SNHG17: variants seen among roughly 807,000 people sequenced by gnomAD.
The protein encoded by SNHG17 is small nucleolar RNA host gene 17 (non-protein coding).
chr20:38,432,653 C>G lies in SNHG17; in HGVS notation n.309-1541G>C, dbSNP rs542378900. ...AGGCTGCCTTGCTCAAAACTACTTC[C>G]CTGACATGCATCAATGTGCTAAGCC... On this transcript the variant is annotated intron_variant and non_coding_transcript_variant, in intron 2 of 8. Coordinates refer to ENST00000654008, the Ensembl canonical transcript of SNHG17. Among the ~76,000 whole-genome samples the G allele has an allele frequency of 1.6e-4, 24 of 152,306 alleles. 1 individual carries two copies. The South Asian group carries it at 4.6e-3, about 29-fold the overall frequency.
intron 2 of SNHG17, chr20:38,431,939 C>G (rs2084347971): frequency 1.1e-6 from 1 of 932,548 alleles, no homozygotes; most frequent in Admixed American, 6.2e-5. Context: ...GCCCAGGGAA[C>G]CTGCATGCAC....
At chr20:38,425,511 C>T (rs1191945314) in intron 5 of SNHG17, among the ~76,000 whole-genome samples, 1 of 152,268 alleles carries the variant, frequency 6.6e-6, no homozygotes, top group African/African-American at 2.4e-5. Context: ...AGCATGAATA[C>T]GAATCACCTG....
At chr20:38,430,073 T>C (rs1336365797) in intron 3 of SNHG17, among the ~76,000 whole-genome samples, 1 of 152,102 alleles carries the variant, frequency 6.6e-6, no homozygotes, top group African/African-American at 2.4e-5. Flanking sequence ...TCCCAGCACT[T>C]TGGGAGGCTG....
intron 6 of SNHG17, chr20:38,421,299 G>A (rs1021012624): frequency 6.6e-6 from 1 of 152,108 alleles, no homozygotes; most frequent in Non-Finnish European, 1.5e-5. Flanking sequence ...TTCACAATCG[G>A]GGCAAATGAC....
At chr20:38,422,750 C>T (rs527256804) in intron 5 of SNHG17, among the ~76,000 whole-genome samples, 18 of 152,220 alleles carry the variant, frequency 1.2e-4, no homozygotes, top group Non-Finnish European at 2.1e-4. Context: ...ATGTGGCATA[C>T]GCACACACAC....
chr20:38,434,915 T>A, intron 1 of SNHG17: 1 of 1,222,816 alleles, frequency 8.2e-7, no homozygotes, highest in Non-Finnish European at 1.0e-6. Flanking sequence ...CCGAGCCCTG[T>A]TTCCCGCCAT....
chr20:38,432,678 C>T (rs2053234441), intron 2 of SNHG17, among the ~76,000 whole-genome samples: 1 of 152,166 alleles, frequency 6.6e-6, no homozygotes, highest in African/African-American at 2.4e-5. Context: ...TGTGCTAAGC[C>T]CTGTCACCTT....
At chr20:38,434,454 G>A (rs1282306853) in intron 2 of SNHG17, 3 of 173,840 alleles carry the variant, frequency 1.7e-5, no homozygotes, top group Non-Finnish European at 3.7e-5. Flanking sequence ...CCTCTACTGC[G>A]TCCCACAGAA....
intron 3 of SNHG17, chr20:38,429,656 T>C (rs756190532): frequency 1.7e-5 from 8 of 484,416 alleles, no homozygotes; most frequent in Non-Finnish European, 3.2e-5. Flanking sequence ...TAAGACGTGG[T>C]GGGAGGGAGG....
intron 3 of SNHG17, chr20:38,427,474 G>C (rs1373812742): frequency 2.0e-6 from 1 of 505,272 alleles, no homozygotes; most frequent in Admixed American, 2.0e-5. Context: ...AGGAAGGGCA[G>C]GAGGATGGTG....
chr20:38,434,766 C>A (rs572284096), intron 1 of SNHG17: 493 of 892,286 alleles, frequency 5.5e-4, no homozygotes, highest in Non-Finnish European at 6.4e-4. Context: ...GGTTCTAACA[C>A]CTACTTTTAA....
At chr20:38,425,403 A>C in intron 5 of SNHG17, 1 of 464,604 alleles carries the variant, frequency 2.2e-6, no homozygotes, top group Non-Finnish European at 4.4e-6. Context: ...AAACTAAGAG[A>C]CCTGGAAACA....
chr20:38,425,919 G>C (rs1342172784), intron 5 of SNHG17: 3 of 152,832 alleles, frequency 2.0e-5, no homozygotes, highest in Admixed American at 1.3e-4. Context: ...AATTAGCTGG[G>C]TGCAGCAGCA....
chr20:38,432,942 G>T (rs561580699), intron 2 of SNHG17, among the ~76,000 whole-genome samples: 1 of 150,920 alleles, frequency 6.6e-6, no homozygotes, highest in Non-Finnish European at 1.5e-5. Flanking sequence ...GAGCCACCAC[G>T]ACCAGCCACA....
exon 5 of SNHG17, chr20:38,426,047 C>A (rs540192469): frequency 1.5e-5 from 2 of 136,326 alleles, no homozygotes; most frequent in South Asian, 4.9e-4. Context: ...CAGAATGAGA[C>A]CCTGCCTCAA....
intron 2 of SNHG17, chr20:38,434,105 A>G (rs1004157737): frequency 6.7e-6 from 3 of 448,944 alleles, no homozygotes; most frequent in Non-Finnish European, 1.3e-5. Context: ...GAGAGCCATC[A>G]TCACTTCACA....
At chr20:38,434,205 GAGTATC>G (rs2084390701) in intron 2 of SNHG17, among the ~76,000 whole-genome samples, 1 of 152,004 alleles carries the variant, frequency 6.6e-6, no homozygotes, top group Non-Finnish European at 1.5e-5. Flanking sequence ...CACCAGTTCT[GAGTATC>G]TACACGTGGA....
At chr20:38,431,923 C>T (rs1437647161) in intron 2 of SNHG17, 1 of 785,862 alleles carries the variant, frequency 1.3e-6, no homozygotes, top group South Asian at 5.8e-5. Flanking sequence ...ACTTCCCAGA[C>T]ATCACGCCCA....
At chr20:38,421,086 C>A (rs2084149931) in exon 7 of SNHG17, 1 of 152,312 alleles carries the variant, frequency 6.6e-6, no homozygotes, top group Non-Finnish European at 1.5e-5. Context: ...GTCCTTGGAT[C>A]TAAGGCTGAG....
Sources: allele counts gnomAD v4.1 joint callset (sites outside exome capture counted in the v4.1 genomes callset), GRCh38; gene constraint gnomAD v4.1.1; transcripts MANE v1.5; gene names NCBI Gene and HGNC (gene_info 2026-07-23, HGNC 2026-07-21).